Variants in ACBD4 observed in about 807,000 individuals in gnomAD.
The protein encoded by ACBD4 is acyl-CoA binding domain containing 4.
In ACBD4, 41 loss-of-function variants were observed where a neutral mutation model predicts 46.0. The observed-to-expected ratio is 0.89, with a 90% CI of 0.69 to 1.16. The LOEUF (loss-of-function observed/expected upper bound fraction) is 1.16, where lower values mean the gene tolerates loss of function less well. ACBD4 is among the 50% of genes most tolerant of loss of function. The pLI, the probability that ACBD4 is intolerant of heterozygous loss-of-function variation, is 0.00. For missense variants in ACBD4, 393 were observed against 399.5 expected (o/e 0.98, Z 0.14); for synonymous variants, 162 against 155.9 (o/e 1.04, Z -0.29).
At chr17:45,140,124 C>A (rs569225325) in intron 9 of ACBD4, among the ~76,000 whole-genome samples, 1 of 152,004 alleles carries the variant, frequency 6.6e-6, no homozygotes, top group African/African-American at 2.4e-5. Flanking sequence ...GCTAACTTTT[C>A]AACACTGCTC....
chr17:45,136,444 C>A, intron 2 of ACBD4, 56 bp from the exon 3 acceptor site: 1 of 1,575,006 alleles, frequency 6.3e-7, no homozygotes, highest in Middle Eastern at 1.7e-4. Flanking sequence ...TCCCGCCCCT[C>A]CGCCCCTTGG....
At chr17:45,139,815 T>A (rs1299357854) in intron 9 of ACBD4, among the ~76,000 whole-genome samples, 1 of 152,240 alleles carries the variant, frequency 6.6e-6, no homozygotes, top group Non-Finnish European at 1.5e-5. Flanking sequence ...GATTCAACCA[T>A]GCATGTTGGT....
rs1036898412 is a variant in ACBD4 at position 45,138,160 on chromosome 17, G to T, written c.649+172G>T. The T allele has an allele frequency of 4.7e-5, 34 of 716,118 alleles. No individual in the cohort carries two copies. In the East Asian group the frequency reaches 8.7e-4, roughly 18 times the overall value. 44.4% of individuals were successfully genotyped at this position (716,118 alleles called of 1,614,324 possible). On this transcript the variant is annotated intron_variant, in intron 8 of 9. Coordinates refer to ENST00000321854, the MANE Select transcript of ACBD4 (RefSeq NM_001135705.3). ...AACCAGCCAGATACCTGCCTGGATG[G>T]GCAAAGTCCCCGCCCTCCCTCCTCT...
At chr17:45,134,246 T>C (rs2054646331), upstream of ACBD4, among the ~76,000 whole-genome samples, 1 of 151,980 alleles carries the variant, frequency 6.6e-6, no homozygotes, top group East Asian at 2.0e-4. Context: ...AAAGCAATTC[T>C]CTTGCCTTGG....
In ACBD4 at chr17:45,137,742, C is replaced by A. The variant is rs2054956010; in HGVS notation, c.503-18C>A. 1 of 1,613,802 alleles carries A rather than the reference C, an allele frequency of 6.2e-7. No homozygotes were observed. The highest frequency in any genetic ancestry group is 1.7e-5 in the Admixed American group (1 of 60,004). ...CACAGCTTCCCTCTGGGCAGTAACT[C>A]TACCAACCCCTCCACAGAGTCCCAT... On this transcript the variant is annotated intron_variant, in intron 6 of 9. Coordinates refer to ENST00000321854, the MANE Select transcript of ACBD4 (RefSeq NM_001135705.3).
At chr17:45,136,308 G>C in intron 2 of ACBD4, 76 bp downstream of exon 2, 1 of 1,581,000 alleles carries the variant, frequency 6.3e-7, no homozygotes, top group Non-Finnish European at 8.7e-7. Context: ...GAATGGTCCT[G>C]ATCACTGCAG....
At position 45,139,037 on chromosome 17, in the gene ACBD4, C is replaced by G; in HGVS notation, c.666C>G (p.Ser222Arg). 9.9e-6 allele frequency: 16 copies of G among 1,613,278 alleles called. No homozygotes were observed. The highest frequency in any genetic ancestry group is 1.3e-5 in the Non-Finnish European group (15 of 1,180,002). Residue 222 changes from serine to arginine, a missense_variant, in exon 9 of 10, where the codon AGC (serine) becomes AGG (arginine). Ser to Arg is a moderately radical substitution (Grantham distance 110, BLOSUM62 -1). Coordinates refer to ENST00000321854, the MANE Select transcript of ACBD4 (RefSeq NM_001135705.3). Reference sequence around the variant, plus strand: ...GCTCCGCAGAGGGGTTGCGGGGCAGCCCGCCGGGGCCCCAGGAGTTGGACG... The same window carrying G: ...GCTCCGCAGAGGGGTTGCGGGGCAGGCCGCCGGGGCCCCAGGAGTTGGACG... ...PPTKKEGLRG[S>R]PPGPQELDVW...
At position 45,143,606 on chromosome 17, in the gene ACBD4, C is replaced by T; in HGVS notation, c.*35C>T. On this transcript the variant is annotated 3_prime_UTR_variant, in exon 10 of 10. Transcript: ENST00000321854. ...GAGGGGTCTCTGCAGCCAACTGAGA[C>T]TATCTTGCTGTGCCCTGAGCCTTCC... The T allele has an allele frequency of 3.1e-6, 5 of 1,613,984 alleles. No individual in the cohort carries two copies. Among genetic ancestry groups the T allele is most frequent in the Non-Finnish European group, 4.2e-6 (5 of 1,179,998 alleles).
chr17:45,137,167 A>G, intron 5 of ACBD4, 28 bp downstream of exon 5: 2 of 1,613,794 alleles, frequency 1.2e-6, no homozygotes, highest in Non-Finnish European at 1.7e-6. Flanking sequence ...GGAGCTCCAA[A>G]AGTGCTGAGT....
chr17:45,139,024 G>A lies in ACBD4; in HGVS notation c.653G>A (p.Gly218Glu). The A allele has an allele frequency of 1.2e-6, 2 of 1,612,966 alleles. No homozygotes were observed. The highest frequency in any genetic ancestry group is 1.7e-6 in the Non-Finnish European group (2 of 1,179,958). ...CCTGTGTGTCTGTGCTCCGCAGAGG[G>A]GTTGCGGGGCAGCCCGCCGGGGCCC... ...NSPVPPTKKEGLRGSPPGPQE... is the reference protein window; with the variant it reads ...NSPVPPTKKEELRGSPPGPQE... The change falls in exon 9 of 10, where the codon GGG becomes GAG. Residue 218 changes from glycine (G) to glutamate (E), a missense_variant. By Grantham distance (98) the Gly-to-Glu change is moderately conservative. Around this residue, in one of 3 missense-constraint regions of ACBD4, gnomAD observed 308 missense variants for 301.8 expected, o/e 1.02. Coordinates refer to ENST00000321854, the MANE Select transcript of ACBD4 (RefSeq NM_001135705.3).
intron 8 of ACBD4, 54 bp downstream of exon 8, chr17:45,138,042 A>C: frequency 6.5e-7 from 1 of 1,537,802 alleles, no homozygotes; most frequent in Non-Finnish European, 8.9e-7. Context: ...TGGTCCTGGC[A>C]CCCCAGGCTT....
chr17:45,137,775 G>A lies in ACBD4; in HGVS notation c.518G>A (p.Arg173Lys), dbSNP rs1214720668. 2 of 1,613,872 alleles carry A rather than the reference G, an allele frequency of 1.2e-6. No homozygotes were observed. Among genetic ancestry groups the A allele is most frequent in the Admixed American group, 1.7e-5 (1 of 59,992 alleles). ...CCCTCCACAGAGTCCCATTCACCCA[G>A]GGACCTGGACTCCGAGGTTTTCTGT... ...APPSPESHSP[R>K]DLDSEVFCDS... Residue 173 changes from arginine to lysine, a missense_variant, in exon 7 of 10, where the codon AGG (arginine) becomes AAG (lysine). By Grantham distance (26) the Arg-to-Lys change is conservative. Transcript: ENST00000321854.
Position 45,137,389 on chromosome 17 carries a change from A to G in ACBD4, c.437A>G (p.Asn146Ser). Residue 146 changes from asparagine (N) to serine (S), a missense_variant, in exon 6 of 10, where the codon AAT becomes AGT. Asn to Ser is a conservative substitution (Grantham distance 46). Coordinates refer to ENST00000321854, the MANE Select transcript of ACBD4 (RefSeq NM_001135705.3). ...RVTGWKEQVV[N>S]GDVGAVSEPP... ...GCAGGTTGGAAAGAGCAGGTTGTGA[A>G]TGGAGATGTTGGGGCTGTTTCAGAG... The G allele has an allele frequency of 6.2e-7, 1 of 1,614,040 alleles. No homozygotes were observed. The highest frequency in any genetic ancestry group is 8.5e-7 in the Non-Finnish European group (1 of 1,179,982).
rs1199332364 is a variant in ACBD4 at position 45,139,451 on chromosome 17, T to C, written c.789+291T>C. On this transcript the variant is annotated intron_variant, in intron 9 of 9. Transcript: ENST00000321854. Reference sequence around the variant, plus strand: ...CCCGTGTGGGAAGGGCCATGATGTGTCTGCTCTGGGCATTGAGGATGCGGG... The same window carrying C: ...CCCGTGTGGGAAGGGCCATGATGTGCCTGCTCTGGGCATTGAGGATGCGGG... 2.0e-5 allele frequency among the ~76,000 whole-genome samples: 3 copies of C among 152,202 alleles called. No individual in the cohort carries two copies. In the East Asian group the frequency reaches 5.8e-4, roughly 29 times the overall value.
rs765863543 is a variant in ACBD4, at chr17:45,136,508, C to T, written c.97C>T (p.Arg33Cys). 2.5e-6 allele frequency: 4 copies of T among 1,612,702 alleles called. No individual in the cohort carries two copies. Among genetic ancestry groups the T allele is most frequent in the Non-Finnish European group, 1.7e-6 (2 of 1,179,252 alleles). ...CCCAACTCTCTGCCCAGGTTCTTAC[C>T]GCCCCTCCTATGAAGAGATGCTGCG... ...IQNLPKNGSY[R>C]PSYEEMLRFY... The change falls in exon 3 of 10, where the codon CGC (arginine) becomes TGC (cysteine). Residue 33 changes from arginine (R) to cysteine (C), a missense_variant. Physicochemically the swap from Arg to Cys is radical, Grantham distance 180. Around this residue, in one of 3 missense-constraint regions of ACBD4, gnomAD observed 61 missense variants for 50.3 expected, o/e 1.21. Transcript: ENST00000321854.
chr17:45,141,585 G>A (rs2055274857), intron 9 of ACBD4, among the ~76,000 whole-genome samples: 1 of 152,178 alleles, frequency 6.6e-6, no homozygotes, highest in African/African-American at 2.4e-5. Flanking sequence ...CTTGAGCCCA[G>A]GAGATTGAGG....
chr17:45,141,960 A>C (rs1660872174), intron 9 of ACBD4, among the ~76,000 whole-genome samples: 1 of 151,786 alleles, frequency 6.6e-6, no homozygotes, highest in Admixed American at 6.6e-5. Flanking sequence ...TTTAAATGCT[A>C]TGATTCCTTT....
chr17:45,136,453 G>A (rs1270615925), intron 2 of ACBD4, 47 bp from the exon 3 acceptor site: 1 of 1,586,440 alleles, frequency 6.3e-7, no homozygotes, highest in East Asian at 2.2e-5. Flanking sequence ...TCCGCCCCTT[G>A]GAGCTGGGAG....
At position 45,143,708 on chromosome 17, in the gene ACBD4, GC is replaced by G. The variant is rs372398613; in HGVS notation, c.*138del. The G allele has an allele frequency of 2.3e-4, 335 of 1,456,302 alleles. 3 individuals are homozygous for G. The East Asian group carries it at 4.8e-3, about 21-fold the overall frequency. The allele number at this position is 1,456,302 out of a possible 1,614,324, so 90.2% of individuals were successfully genotyped here. Reference sequence around the variant, plus strand: ...TTCGCACCTCCTCCCCTAAAGCAGCGCGGGGGGCAAATAAGACCCCACCCCT... The same window carrying G: ...TTCGCACCTCCTCCCCTAAAGCAGCGGGGGGGCAAATAAGACCCCACCCCT... On this transcript the variant is annotated 3_prime_UTR_variant, in exon 10 of 10. Coordinates refer to ENST00000321854, the MANE Select transcript of ACBD4 (RefSeq NM_001135705.3).
Sources: allele counts gnomAD v4.1 joint callset (sites outside exome capture counted in the v4.1 genomes callset), GRCh38; gene constraint gnomAD v4.1.1; regional missense constraint gnomAD v4.1.1; transcripts MANE v1.5; gene names NCBI Gene and HGNC (gene_info 2026-07-23, HGNC 2026-07-21).